Variants in PFAS observed in about 807,000 individuals in gnomAD.
PFAS encodes phosphoribosylformylglycinamidine synthase, also known as FGAM synthase.
In PFAS, 97 loss-of-function variants were observed where a neutral mutation model predicts 140.6. That is an observed-to-expected ratio of 0.69 (90% CI 0.59 to 0.82). The LOEUF is 0.82. PFAS is among the 40% of genes least tolerant of loss of function. The pLI is 0.00. For missense variants in PFAS, 1,656 were observed against 1,780.2 expected (o/e 0.93, Z 1.26); for synonymous variants, 679 against 718.8 (o/e 0.94, Z 0.88).
At chr17:8,259,772 A>C (rs1173227082) in intron 11 of PFAS, among the ~76,000 whole-genome samples, 1 of 151,620 alleles carries the variant, frequency 6.6e-6, no homozygotes, top group African/African-American at 2.4e-5. Flanking sequence ...TGAGTGACAG[A>C]GTGAAACCCT....
intron 26 of PFAS, among the ~76,000 whole-genome samples, chr17:8,268,119 T>C (rs1436786455): frequency 6.9e-6 from 1 of 145,404 alleles, no homozygotes; most frequent in Non-Finnish European, 1.5e-5. Context: ...TGGAGTGCAA[T>C]GGCGCAATCT....
chr17:8,260,935 T>C (rs1262039508), intron 11 of PFAS, among the ~76,000 whole-genome samples: 1 of 151,820 alleles, frequency 6.6e-6, no homozygotes, highest in Non-Finnish European at 1.5e-5. Context: ...ATGTACAAGT[T>C]TTTGTATGAA....
chr17:8,261,096 G>A (rs1989572926), intron 11 of PFAS, among the ~76,000 whole-genome samples: 1 of 152,192 alleles, frequency 6.6e-6, no homozygotes, highest in Non-Finnish European at 1.5e-5. Context: ...GAGGGTTCCA[G>A]TTTCTCCACA....
At chr17:8,268,197 G>T (rs971377691) in intron 26 of PFAS, among the ~76,000 whole-genome samples, 63 of 145,562 alleles carry the variant, frequency 4.3e-4, no homozygotes, top group African/African-American at 1.6e-3. Context: ...AAGTAGCTGG[G>T]ATTACAGGCA....
At position 8,267,370 on chromosome 17, in the gene PFAS, A is replaced by G. The variant is rs1240619080; in HGVS notation, c.3176-2A>G. On this transcript the variant is annotated splice_acceptor_variant, in intron 24 of 27. Coordinates refer to ENST00000314666, the MANE Select transcript of PFAS (RefSeq NM_012393.3). LOFTEE classifies it high-confidence loss of function. The surrounding 1 kb of genome is among the most constrained non-coding windows in gnomAD (Gnocchi z 4.9). ...GCCCAAAGACACTTATTCTCCCCCAAGGTGGTCCCAGCCCCCGAGTCGCCA... is the reference window on the plus strand; with the variant it reads ...GCCCAAAGACACTTATTCTCCCCCAGGGTGGTCCCAGCCCCCGAGTCGCCA... 1.2e-6 allele frequency: 2 copies of G among 1,613,682 alleles called. No individual in the cohort carries two copies. Among genetic ancestry groups the G allele is most frequent in the Non-Finnish European group, 1.7e-6 (2 of 1,179,746 alleles).
At position 8,255,016 on chromosome 17, in the gene PFAS, C is replaced by G. The variant is rs781139128; in HGVS notation, c.279-11C>G. The stretch of plus-strand genomic sequence containing the variant: ...GGTTCTCCAGTCCTAACCATCAGGC[C>G]CATTGTTCAGGCTGAACTTCTCCAC... On this transcript the variant is annotated splice_polypyrimidine_tract_variant and intron_variant, in intron 3 of 27. Coordinates refer to ENST00000314666, the MANE Select transcript of PFAS (RefSeq NM_012393.3). 3 of 1,602,998 alleles carry G rather than the reference C, an allele frequency of 1.9e-6. No homozygotes were observed. The highest frequency in any genetic ancestry group is 1.3e-5 in the African/African-American group (1 of 74,688).
At chr17:8,252,058 C>T (rs1989175592) in intron 1 of PFAS, among the ~76,000 whole-genome samples, 1 of 151,888 alleles carries the variant, frequency 6.6e-6, no homozygotes, top group Non-Finnish European at 1.5e-5. Context: ...CTTTGGGAGT[C>T]CGAGGCGGGC....
upstream of PFAS, chr17:8,247,746 C>G (rs1988876427): frequency 6.0e-6 from 3 of 496,898 alleles, no homozygotes; most frequent in Non-Finnish European, 1.1e-5. Flanking sequence ...CATTAACCTG[C>G]TCCTGGTTTC....
At chr17:8,257,292 C>T (rs1453456529) in intron 9 of PFAS, among the ~76,000 whole-genome samples, 3 of 151,966 alleles carry the variant, frequency 2.0e-5, no homozygotes. Flanking sequence ...CGTGGTGGCT[C>T]ACGCCTGTAA....
upstream of PFAS, among the ~76,000 whole-genome samples, chr17:8,248,837 G>A (rs1988998718): frequency 6.6e-6 from 1 of 152,196 alleles, no homozygotes; most frequent in Admixed American, 6.5e-5. Context: ...CGGATTACAG[G>A]CGGGAGCCAC....
Position 8,266,895 on chromosome 17 carries a change from C to A in PFAS, c.2964C>A (p.Ala988=), listed in dbSNP as rs757816707. 1.0e-5 allele frequency: 16 copies of A among 1,602,562 alleles called. No individual in the cohort carries two copies. The highest frequency in any genetic ancestry group is 1.2e-5 in the Non-Finnish European group (14 of 1,177,388). Residue 988 remains alanine, a synonymous_variant, in exon 23 of 28, where the codon GCC becomes GCA. Transcript: ENST00000314666. The surrounding 1 kb of genome is among the most constrained non-coding windows in gnomAD (Gnocchi z 5.0). ...ACACAGGCGAGGCCGGGCCCCACGC[C>A]ATGGTGAGGAAGTGAGGGAGAGAGC... ...LGHTGEAGPH[A]MVRVSVNGAV...
intron 6 of PFAS, 50 bp from the exon 7 acceptor site, chr17:8,256,217 A>G: frequency 6.3e-7 from 1 of 1,591,330 alleles, no homozygotes; most frequent in Non-Finnish European, 8.6e-7. Context: ...TGGCATTAAG[A>G]AATGACCCCG....
intron 17 of PFAS, 129 bp downstream of exon 17, chr17:8,264,730 C>A: frequency 9.0e-7 from 1 of 1,106,542 alleles, no homozygotes; most frequent in Non-Finnish European, 1.3e-6. Flanking sequence ...GCAGGGCAGC[C>A]ACCCTGATGG....
chr17:8,265,917 T>C lies in PFAS; in HGVS notation c.2601T>C (p.Ala867=), dbSNP rs1357653818. 1 of 1,613,306 alleles carries C rather than the reference T, an allele frequency of 6.2e-7. No individual in the cohort carries two copies. The highest frequency in any genetic ancestry group is 1.3e-5 in the African/African-American group (1 of 74,994). The change falls in exon 21 of 28, where the codon GCT becomes GCC. Residue 867 remains alanine, a synonymous_variant. Transcript: ENST00000314666. Reference sequence around the variant, plus strand: ...GGCAGCACCGGCTCGGGGGCACAGCTCTGGCCCAGTGCTTCTCCCAGCTTG... The same window carrying C: ...GGCAGCACCGGCTCGGGGGCACAGCCCTGGCCCAGTGCTTCTCCCAGCTTG... ...SPGQHRLGGT[A]LAQCFSQLGE...
intron 9 of PFAS, among the ~76,000 whole-genome samples, chr17:8,257,411 C>G (rs980426390): frequency 3.3e-5 from 5 of 152,154 alleles, no homozygotes; most frequent in Non-Finnish European, 7.4e-5. Context: ...AAAAAATTAG[C>G]TGGGCGTGGT....
intron 11 of PFAS, among the ~76,000 whole-genome samples, chr17:8,260,997 C>T (rs1314778959): frequency 6.6e-6 from 1 of 152,178 alleles, no homozygotes; most frequent in Non-Finnish European, 1.5e-5. Flanking sequence ...ATTGCTGGGT[C>T]ATGTGGTAAC....
At chr17:8,254,331 T>G in intron 3 of PFAS, 30 bp downstream of exon 3, 1 of 1,612,452 alleles carries the variant, frequency 6.2e-7, no homozygotes, top group Non-Finnish European at 8.5e-7. Context: ...CACCCCTTTC[T>G]TCTGCTTTCC....
chr17:8,253,389 A>G (rs1034959442), intron 1 of PFAS, among the ~76,000 whole-genome samples: 4 of 152,132 alleles, frequency 2.6e-5, no homozygotes, highest in African/African-American at 9.7e-5. Flanking sequence ...CACATTTTGC[A>G]AGATTCCTTA....
At chr17:8,268,880 G>A in intron 27 of PFAS, 24 bp downstream of exon 27, 1 of 1,611,502 alleles carries the variant, frequency 6.2e-7, no homozygotes, top group Non-Finnish European at 8.5e-7. Flanking sequence ...AAGGCTGGGG[G>A]AGGGCCCGAG....
Sources: allele counts gnomAD v4.1 joint callset (sites outside exome capture counted in the v4.1 genomes callset), GRCh38; gene constraint gnomAD v4.1.1; non-coding constraint Gnocchi (gnomAD v3.1); transcripts MANE v1.5; gene names NCBI Gene and HGNC (gene_info 2026-07-23, HGNC 2026-07-21).